The following ATP8A1 variants were observed in gnomAD, a reference collection of about 807,000 sequenced individuals.
The protein encoded by ATP8A1 is ATPase phospholipid transporting 8A1.
In ATP8A1, 90 loss-of-function variants were observed where a neutral mutation model predicts 177.7. That is an observed-to-expected ratio of 0.51 (90% CI 0.43 to 0.60). The LOEUF is 0.60. Among genes scored for constraint, ATP8A1 ranks in the 20% least tolerant of loss-of-function variants. ATP8A1 has a pLI of 0.00. For synonymous variants in ATP8A1, 493 were observed against 485.9 expected (o/e 1.01, Z -0.19); for missense variants, 1,072 against 1,392.8 (o/e 0.77, Z 3.67).
intron 35 of ATP8A1, among the ~76,000 whole-genome samples, chr4:42,415,693 C>T (rs1377142773): frequency 1.3e-5 from 2 of 152,190 alleles, no homozygotes; most frequent in Non-Finnish European, 2.9e-5. Flanking sequence ...GGAACTGATT[C>T]AGCTGAAAAA....
intron 7 of ATP8A1, 165 bp from the exon 8 acceptor site, chr4:42,588,494 AACCCATGCATG>A: frequency 3.5e-6 from 2 of 570,868 alleles, no homozygotes; most frequent in Non-Finnish European, 6.0e-6. Context: ...TGTGAGGCAG[AACCCATGCATG>A]ACAACTCACG....
intron 4 of ATP8A1, among the ~76,000 whole-genome samples, chr4:42,619,992 G>C (rs1390095761): frequency 6.6e-6 from 1 of 152,106 alleles, no homozygotes; most frequent in African/African-American, 2.4e-5. Context: ...GTGTCTTTGA[G>C]TAAGTGAAAA....
intron 30 of ATP8A1, among the ~76,000 whole-genome samples, chr4:42,447,654 G>T (rs1288919893): frequency 6.6e-6 from 1 of 152,096 alleles, no homozygotes; most frequent in Non-Finnish European, 1.5e-5. Flanking sequence ...CATATTCAAC[G>T]TTTATTCAGA....
In ATP8A1 at chr4:42,443,549, T is replaced by C; in HGVS notation, c.3123+16A>G. 1.0e-6 allele frequency: 1 copy of C among 965,382 alleles called. No homozygotes were observed. The highest frequency in any genetic ancestry group is 1.3e-5 in the South Asian group (1 of 76,456). The allele number at this position is 965,382 out of a possible 1,614,324, so 59.8% of individuals were successfully genotyped here. ...TTTAAGGTTTTGTTGGATTGTGAGT[T>C]ATTAGCGCACATTACCTCTCCTGAC... On this transcript the variant is annotated intron_variant, in intron 33 of 36. Coordinates refer to ENST00000381668, the MANE Select transcript of ATP8A1 (RefSeq NM_006095.2).
chr4:42,553,027 T>C (rs535071485), intron 16 of ATP8A1, among the ~76,000 whole-genome samples: 3 of 152,232 alleles, frequency 2.0e-5, no homozygotes, highest in African/African-American at 7.2e-5. Flanking sequence ...CAAAACCCCA[T>C]AAAAACATAG....
chr4:42,524,579 T>C (rs1416309664), intron 21 of ATP8A1, among the ~76,000 whole-genome samples, 184 bp downstream of exon 21: 1 of 152,166 alleles, frequency 6.6e-6, no homozygotes, highest in African/African-American at 2.4e-5. Flanking sequence ...TTAATAAATA[T>C]AGTTTTAGGA....
At chr4:42,628,126 G>A (rs1349215402) in intron 1 of ATP8A1, among the ~76,000 whole-genome samples, 1 of 152,112 alleles carries the variant, frequency 6.6e-6, no homozygotes, top group African/African-American at 2.4e-5. Flanking sequence ...ACAAACAGCA[G>A]GTACCCAATG....
intron 30 of ATP8A1, among the ~76,000 whole-genome samples, chr4:42,447,276 G>A (rs117948845): frequency 1.3e-5 from 2 of 152,112 alleles, no homozygotes; most frequent in East Asian, 3.9e-4. Context: ...CTCCGCTCCC[G>A]GGTTCTAGTA....
intron 5 of ATP8A1, among the ~76,000 whole-genome samples, chr4:42,601,739 T>C (rs1370125070): frequency 6.6e-6 from 1 of 152,142 alleles, no homozygotes; most frequent in Non-Finnish European, 1.5e-5. Flanking sequence ...TGGCACACAG[T>C]AGCTACTCAG....
At chr4:42,562,532 T>C (rs939573023) in intron 15 of ATP8A1, 1 of 152,202 alleles carries the variant, frequency 6.6e-6, no homozygotes, top group African/African-American at 2.4e-5. Context: ...AAGTCCAAAG[T>C]AGAGTCCAAA....
intron 1 of ATP8A1, among the ~76,000 whole-genome samples, chr4:42,652,646 G>A (rs1741210931): frequency 6.6e-6 from 1 of 152,112 alleles, no homozygotes; most frequent in Non-Finnish European, 1.5e-5. Context: ...TGTTGTGGAA[G>A]AGACCTGGTG....
chr4:42,490,374 T>TTATG (rs1390309777), intron 24 of ATP8A1, among the ~76,000 whole-genome samples: 1 of 152,234 alleles, frequency 6.6e-6, no homozygotes, highest in Non-Finnish European at 1.5e-5. Context: ...CTCCCTCTTC[T>TTATG]TATGTGGCTG....
chr4:42,548,327 G>C (rs1402148442), intron 19 of ATP8A1, among the ~76,000 whole-genome samples: 8 of 152,098 alleles, frequency 5.3e-5, no homozygotes, highest in Non-Finnish European at 1.2e-4. Context: ...TGTGTTTCCA[G>C]ATCACCAGCC....
chr4:42,626,127 A>T (rs1313640105), intron 2 of ATP8A1: 1 of 152,860 alleles, frequency 6.5e-6, no homozygotes, highest in East Asian at 1.9e-4. Context: ...GTAAACAGAG[A>T]TGCCTTTCCT....
chr4:42,601,297 A>C (rs893187501), intron 5 of ATP8A1, among the ~76,000 whole-genome samples: 1 of 151,676 alleles, frequency 6.6e-6, no homozygotes, highest in Non-Finnish European at 1.5e-5. Context: ...CAGCCTCCCA[A>C]AGTGCTTGGA....
At chr4:42,448,389 T>C (rs1717511353) in intron 30 of ATP8A1, among the ~76,000 whole-genome samples, 2 of 117,578 alleles carry the variant, frequency 1.7e-5, no homozygotes, top group South Asian at 6.9e-4. Context: ...CCTCCCTCCT[T>C]CTCTTTCTTT....
At chr4:42,629,517 C>G (rs956395406) in intron 1 of ATP8A1, among the ~76,000 whole-genome samples, 2 of 152,236 alleles carry the variant, frequency 1.3e-5, no homozygotes, top group Non-Finnish European at 2.9e-5. Context: ...GCCAGTGGAG[C>G]TGGTAGGCAC....
intron 30 of ATP8A1, among the ~76,000 whole-genome samples, chr4:42,447,004 A>G (rs4861195): frequency 0.95 from 145,156 of 152,234 alleles, 69,555 homozygotes; most frequent in East Asian, 1. Context: ...GAATCTTCTC[A>G]CTATCTCTCA....
chr4:42,615,783 TGA>T (rs1459424291), intron 5 of ATP8A1, among the ~76,000 whole-genome samples: 1 of 152,226 alleles, frequency 6.6e-6, no homozygotes, highest in Non-Finnish European at 1.5e-5. Flanking sequence ...GGACTGTATT[TGA>T]GAGACTATTG....
Sources: allele counts gnomAD v4.1 joint callset (sites outside exome capture counted in the v4.1 genomes callset), GRCh38; gene constraint gnomAD v4.1.1; transcripts MANE v1.5; gene names NCBI Gene and HGNC (gene_info 2026-07-23, HGNC 2026-07-21).